EVA1C: variants seen among roughly 807,000 people sequenced by gnomAD.
The protein encoded by EVA1C is eva-1 homolog C.
Under a neutral mutation model 45.4 loss-of-function variants are expected in EVA1C, and 25 were observed. The observed-to-expected ratio is 0.55, with a 90% confidence interval of 0.40 to 0.77. The LOEUF is 0.77. Ranked by LOEUF, EVA1C falls within the 30% of genes least tolerant of loss-of-function variation. EVA1C has a pLI of 0.00. For synonymous variants in EVA1C, 190 were observed against 221.2 expected, an observed-to-expected ratio of 0.86 and a Z score of 1.25; for missense variants, 479 against 554.8, an observed-to-expected ratio of 0.86 and a Z score of 1.37.
chr21:32,435,214 T>C (rs978789639), intron 1 of EVA1C, among the ~76,000 whole-genome samples: 3 of 151,920 alleles, frequency 2.0e-5, no homozygotes, highest in Non-Finnish European at 4.4e-5. Flanking sequence ...ATTTTTACAT[T>C]TTATTAATTT....
intron 7 of EVA1C, among the ~76,000 whole-genome samples, chr21:32,511,465 AG>A (rs1343089929): frequency 1.3e-5 from 2 of 151,678 alleles, no homozygotes; most frequent in Admixed American, 1.3e-4. Flanking sequence ...AAAAGAAAAA[AG>A]AAAATATACA....
At chr21:32,442,924 C>A (rs1314610902) in intron 1 of EVA1C, among the ~76,000 whole-genome samples, 1 of 150,060 alleles carries the variant, frequency 6.7e-6, no homozygotes, top group Non-Finnish European at 1.5e-5. Context: ...CTCTTTTGAC[C>A]TCTTCTAAAT....
chr21:32,495,451 C>A (rs1405561902), intron 5 of EVA1C, among the ~76,000 whole-genome samples: 1 of 152,066 alleles, frequency 6.6e-6, no homozygotes, highest in Non-Finnish European at 1.5e-5. Flanking sequence ...AAGGAACAAC[C>A]AAATAGGGGT....
intron 7 of EVA1C, among the ~76,000 whole-genome samples, chr21:32,506,389 T>A (rs966689791): frequency 6.6e-6 from 1 of 151,604 alleles, no homozygotes; most frequent in Non-Finnish European, 1.5e-5. Context: ...ATGTCCATTT[T>A]TTTAAAATGT....
intron 1 of EVA1C, among the ~76,000 whole-genome samples, chr21:32,451,549 G>A (rs2035581201): frequency 6.6e-6 from 1 of 152,172 alleles, no homozygotes; most frequent in African/African-American, 2.4e-5. Flanking sequence ...TTCACAGTCT[G>A]CTGCAACCCC....
chr21:32,481,532 A>G (rs1200040438), intron 4 of EVA1C, among the ~76,000 whole-genome samples: 1 of 151,908 alleles, frequency 6.6e-6, no homozygotes, highest in East Asian at 1.9e-4. Context: ...ACTAGAAGAA[A>G]AGTTAAAGGA....
intron 1 of EVA1C, among the ~76,000 whole-genome samples, chr21:32,431,853 C>T (rs1886679726): frequency 6.6e-6 from 1 of 152,086 alleles, no homozygotes. Flanking sequence ...TATAACCAGG[C>T]AATGATCAAA....
intron 5 of EVA1C, among the ~76,000 whole-genome samples, chr21:32,495,675 T>C (rs1223794165): frequency 2.0e-5 from 3 of 152,202 alleles, no homozygotes; most frequent in African/African-American, 7.2e-5. Flanking sequence ...ACAATAAAAA[T>C]TGTTACACGA....
Position 32,412,732 on chromosome 21 carries a change from G to GGGCGCGCGA in EVA1C, c.-122_-121insGGCGCGCGA. On this transcript the variant is annotated 5_prime_UTR_variant, in exon 1 of 8. Transcript: ENST00000300255. Reference sequence around the variant, plus strand: ...AGGAGGCTCTGGCAGCCTGGGCAGGGAGGCGGCGGGGGGCCGCGGAGCCGC... The same window carrying GGGCGCGCGA: ...AGGAGGCTCTGGCAGCCTGGGCAGGGGGCGCGCGAAGGCGGCGGGGGGCCGCGGAGCCGC... 9.4e-7 allele frequency: 1 copy of GGGCGCGCGA among 1,058,714 alleles called. No homozygotes were observed. The highest frequency in any genetic ancestry group is 1.2e-6 in the Non-Finnish European group (1 of 805,628). The allele number at this position is 1,058,714 out of a possible 1,614,324, so 65.6% of individuals were successfully genotyped here.
At chr21:32,459,590 C>T (rs2035920744) in intron 3 of EVA1C, among the ~76,000 whole-genome samples, 1 of 151,972 alleles carries the variant, frequency 6.6e-6, no homozygotes, top group Admixed American at 6.6e-5. Context: ...GCCTGTAATC[C>T]CAGCACTTTG....
intron 4 of EVA1C, among the ~76,000 whole-genome samples, chr21:32,472,918 G>A (rs369146057): frequency 5.3e-4 from 80 of 152,306 alleles, no homozygotes; most frequent in African/African-American, 1.2e-3. Context: ...CTTGGTGTAC[G>A]TGCAAGGGTG....
intron 1 of EVA1C, among the ~76,000 whole-genome samples, chr21:32,447,896 G>T (rs2035422737): frequency 6.6e-6 from 1 of 152,020 alleles, no homozygotes; most frequent in Non-Finnish European, 1.5e-5. Context: ...GCAGAGACGG[G>T]GTTTTTCCAT....
At chr21:32,464,559 C>T (rs898255181) in intron 3 of EVA1C, among the ~76,000 whole-genome samples, 4 of 152,036 alleles carry the variant, frequency 2.6e-5, no homozygotes, top group Non-Finnish European at 4.4e-5. Context: ...TGGTGACTCA[C>T]GCCTGTAATC....
intron 4 of EVA1C, among the ~76,000 whole-genome samples, chr21:32,477,978 G>A (rs570718534): frequency 2.9e-5 from 4 of 135,930 alleles, no homozygotes; most frequent in South Asian, 5.3e-4. Context: ...TGTCCCCTCC[G>A]CCATATGCTG....
chr21:32,445,153 A>T (rs1187978462), intron 1 of EVA1C, among the ~76,000 whole-genome samples: 1 of 152,206 alleles, frequency 6.6e-6, no homozygotes, highest in Non-Finnish European at 1.5e-5. Context: ...TACAATTTTC[A>T]TAGGAGGGTG....
chr21:32,514,215 G>A lies in EVA1C; in HGVS notation c.950-599G>A, dbSNP rs111401585. Among the ~76,000 whole-genome samples the A allele has an allele frequency of 3.3e-5, 5 of 152,194 alleles. 1 individual carries two copies. Among genetic ancestry groups the A allele is most frequent in the African/African-American group, 1.2e-4 (5 of 41,514 alleles). The stretch of plus-strand genomic sequence containing the variant: ...CCCCCACGGGTACCAAGGGATGACT[G>A]TATATTTATATTTACTTTTTAATCT... On this transcript the variant is annotated intron_variant, in intron 7 of 7. Coordinates refer to ENST00000300255, the MANE Select transcript of EVA1C (RefSeq NM_058187.5).
intron 1 of EVA1C, among the ~76,000 whole-genome samples, chr21:32,442,270 A>G (rs1326679122): frequency 6.6e-6 from 1 of 152,230 alleles, no homozygotes; most frequent in Non-Finnish European, 1.5e-5. Flanking sequence ...CCTCCCAAAT[A>G]TCTAAGAAAC....
At chr21:32,481,788 A>G (rs1397103325) in intron 4 of EVA1C, among the ~76,000 whole-genome samples, 1 of 152,182 alleles carries the variant, frequency 6.6e-6, no homozygotes, top group African/African-American at 2.4e-5. Flanking sequence ...GGAGAATAAA[A>G]CACCTTTTTT....
Position 32,453,515 on chromosome 21 carries a change from C to A in EVA1C, c.357+7C>A, listed in dbSNP as rs764085959. The stretch of plus-strand genomic sequence containing the variant: ...GGCAGCCACCACCTTCCAGGTATTG[C>A]CTTTTGTAGACATGTTAAGATGATA... On this transcript the variant is annotated splice_region_variant and intron_variant, in intron 2 of 7. Coordinates refer to ENST00000300255, the MANE Select transcript of EVA1C (RefSeq NM_058187.5). The A allele has an allele frequency of 1.4e-5, 23 of 1,589,172 alleles. No individual in the cohort carries two copies. The highest frequency in any genetic ancestry group is 1.9e-5 in the Non-Finnish European group (22 of 1,160,470).
Sources: gnomAD v4.1 joint callset for allele counts (sites outside exome capture counted in the v4.1 genomes callset) on GRCh38, gnomAD v4.1.1 for gene constraint, MANE v1.5 for transcripts, NCBI Gene and HGNC (gene_info 2026-07-23, HGNC 2026-07-21) for gene names.